NAV2: variants seen among roughly 807,000 people sequenced by gnomAD.
NAV2 encodes neuron navigator 2.
A neutral mutation model predicts 223.2 loss-of-function variants in NAV2; 54 were observed. That is an observed-to-expected ratio of 0.24 (90% CI 0.19 to 0.30). The LOEUF is 0.30. Ranked by LOEUF, NAV2 falls within the 10% of genes least tolerant of loss-of-function variation. The pLI is 1.00. For missense variants in NAV2, 2,806 were observed against 3,147.5 expected (o/e 0.89, Z 2.60); for synonymous variants, 1,279 against 1,239.3 (o/e 1.03, Z -0.67).
chr11:20,117,727 A>T (rs1592248016), intron 37 of NAV2, among the ~76,000 whole-genome samples: 1 of 152,300 alleles, frequency 6.6e-6, no homozygotes, highest in Non-Finnish European at 1.5e-5. Context: ...ATGCTCAGCC[A>T]CACCTTCATC....
chr11:19,956,548 G>A (rs2047899377), intron 10 of NAV2, among the ~76,000 whole-genome samples: 1 of 152,076 alleles, frequency 6.6e-6, no homozygotes, highest in Non-Finnish European at 1.5e-5. Context: ...GAGAACTCAG[G>A]GGAACACTTA....
In NAV2 at chr11:20,017,606, G is replaced by C. The variant is rs939590051; in HGVS notation, c.2769-18353G>C. 3.9e-5 allele frequency among the ~76,000 whole-genome samples: 6 copies of C among 152,276 alleles called. No homozygotes were observed. The East Asian group carries it at 1.2e-3, about 29-fold the overall frequency. On this transcript the variant is annotated intron_variant, in intron 11 of 37. Coordinates refer to ENST00000349880, the MANE Select transcript of NAV2 (RefSeq NM_145117.5). ...TGTAAAGAGCTCTGTCAGGACTGGG[G>C]CATTTCCTTTTCCTCCGCCTTATAT...
At position 19,636,439 on chromosome 11, in the gene NAV2, C is replaced by A. The variant is rs148726633; in HGVS notation, c.76-196045C>A. ...CTTTATACCAGGAGAGAGAAGGATT[C>A]AAGTCTGTGCATGCAATTCTCTTGG... is the stretch of plus-strand genomic sequence containing the variant. On this transcript the variant is annotated intron_variant, in intron 1 of 37. Transcript: ENST00000360655. 3.6e-3 allele frequency among the ~76,000 whole-genome samples: 549 copies of A among 151,828 alleles called. 5 individuals are homozygous for A. The highest frequency in any genetic ancestry group is 0.011 in the African/African-American group (459 of 41,388).
chr11:20,117,584 G>T (rs1220731983), intron 37 of NAV2, among the ~76,000 whole-genome samples: 1 of 152,068 alleles, frequency 6.6e-6, no homozygotes, highest in Non-Finnish European at 1.5e-5. Context: ...TTCCACAGGA[G>T]CTGCAGCACA....
chr11:19,666,402 C>T (rs1211863720), intron 1 of NAV2, among the ~76,000 whole-genome samples: 2 of 152,176 alleles, frequency 1.3e-5, no homozygotes, highest in African/African-American at 4.8e-5. Context: ...CCTACCCAGC[C>T]AGGTGTTCTT....
intron 11 of NAV2, among the ~76,000 whole-genome samples, chr11:20,034,358 T>TTTG: frequency 1.3e-5 from 1 of 78,000 alleles, no homozygotes. Context: ...CAAGTTTTTT[T>TTTG]TTTGTTTTTT....
intron 19 of NAV2, among the ~76,000 whole-genome samples, chr11:20,060,191 T>C (rs2058614959): frequency 6.6e-6 from 1 of 152,242 alleles, no homozygotes; most frequent in Admixed American, 6.5e-5. Flanking sequence ...AGAAAAAACT[T>C]CCATTTTCCA....
chr11:19,845,031 C>T (rs906702790), intron 3 of NAV2, among the ~76,000 whole-genome samples: 2 of 152,068 alleles, frequency 1.3e-5, no homozygotes, highest in African/African-American at 4.8e-5. Context: ...ATGAGAAGGA[C>T]AATAGGATCA....
At chr11:20,071,687 T>G (rs1178865478) in intron 22 of NAV2, among the ~76,000 whole-genome samples, 3 of 152,100 alleles carry the variant, frequency 2.0e-5, no homozygotes, top group Non-Finnish European at 4.4e-5. Flanking sequence ...TCATTGTGGT[T>G]TTGATTTGCA....
chr11:19,402,765 G>A (rs1387584555), intron 1 of NAV2, among the ~76,000 whole-genome samples: 1 of 152,202 alleles, frequency 6.6e-6, no homozygotes, highest in Non-Finnish European at 1.5e-5. Context: ...TGTGAGCATT[G>A]CTCACTGTAG....
At chr11:19,602,881 T>G (rs1310593557) in intron 1 of NAV2, among the ~76,000 whole-genome samples, 1 of 152,200 alleles carries the variant, frequency 6.6e-6, no homozygotes, top group Non-Finnish European at 1.5e-5. Context: ...CCAAATGTGG[T>G]TGTTTCTATG....
At chr11:19,536,765 A>G (rs1027994839) in intron 1 of NAV2, among the ~76,000 whole-genome samples, 4 of 152,160 alleles carry the variant, frequency 2.6e-5, no homozygotes, top group Non-Finnish European at 5.9e-5. Context: ...AAGATTATCC[A>G]CTAGTTCCAG....
Position 20,096,336 on chromosome 11 carries a change from A to G in NAV2, c.6012+569A>G, listed in dbSNP as rs886569890. Among the ~76,000 whole-genome samples, 4 of 152,232 alleles carry G rather than the reference A, an allele frequency of 2.6e-5. No homozygotes were observed. In the South Asian group the frequency reaches 6.2e-4, roughly 24 times the overall value. ...GGTGTTTGCCATGGGATAAATAACT[A>G]ATGAGTACCAGGGTGAACCTTGAAA... On this transcript the variant is annotated intron_variant, in intron 30 of 37. Transcript: ENST00000349880.
chr11:19,468,269 G>A (rs1402150151), intron 1 of NAV2, among the ~76,000 whole-genome samples: 1 of 152,202 alleles, frequency 6.6e-6, no homozygotes, highest in Non-Finnish European at 1.5e-5. Flanking sequence ...GTTTCTGAGA[G>A]CTGCTGTAAC....
At chr11:19,946,690 T>C (rs527433760) in intron 9 of NAV2, among the ~76,000 whole-genome samples, 181 bp downstream of exon 9, 2 of 152,300 alleles carry the variant, frequency 1.3e-5, no homozygotes, top group African/African-American at 4.8e-5. Context: ...AATAAAAAAT[T>C]AGTATAGACA....
rs1181112745 is a variant in NAV2 at position 19,878,584 on chromosome 11, A to G, written c.512-1285A>G. Among the ~76,000 whole-genome samples, 7 of 152,280 alleles carry G rather than the reference A, an allele frequency of 4.6e-5. No individual in the cohort carries two copies. In the East Asian group the frequency reaches 1.4e-3, roughly 29 times the overall value. ...CTTTGTCCTGTGATCAGAATCTGCT[A>G]GCTCCCAAAGTAGGGTGTGAAGGCT... is the stretch of plus-strand genomic sequence containing the variant. On this transcript the variant is annotated intron_variant, in intron 4 of 37. Coordinates refer to ENST00000349880, the MANE Select transcript of NAV2 (RefSeq NM_145117.5).
chr11:19,653,343 T>C (rs2048025058), intron 1 of NAV2, among the ~76,000 whole-genome samples: 2 of 152,184 alleles, frequency 1.3e-5, no homozygotes, highest in South Asian at 4.1e-4. Context: ...AAAAGTACTG[T>C]GAATGCATAG....
intron 1 of NAV2, among the ~76,000 whole-genome samples, chr11:19,701,917 A>C (rs576357933): frequency 1.3e-5 from 2 of 152,286 alleles, no homozygotes; most frequent in African/African-American, 4.8e-5. Context: ...AAAGATCCTC[A>C]TGGGTGTCTC....
chr11:20,042,409 T>G (rs1340313348), intron 12 of NAV2, among the ~76,000 whole-genome samples: 1 of 152,178 alleles, frequency 6.6e-6, no homozygotes, highest in Non-Finnish European at 1.5e-5. Context: ...AACTCCCCTC[T>G]CTCTGTCCCT....
Sources: allele counts gnomAD v4.1 joint callset (sites outside exome capture counted in the v4.1 genomes callset), GRCh38; gene constraint gnomAD v4.1.1; transcripts MANE v1.5; gene names NCBI Gene and HGNC (gene_info 2026-07-23, HGNC 2026-07-21).